Variants in CEP128 observed in about 807,000 individuals in gnomAD.
CEP128 encodes centrosomal protein 128kDa.
A neutral mutation model predicts 156.7 loss-of-function variants in CEP128; 132 were observed. The observed-to-expected ratio is 0.84, with a 90% CI of 0.73 to 0.97. The LOEUF (loss-of-function observed/expected upper bound fraction) is 0.97. CEP128 is among the 50% of genes least tolerant of loss of function. The pLI is 0.00. For synonymous variants in CEP128, 469 were observed against 448.9 expected, an observed-to-expected ratio of 1.04 and a Z score of -0.57; for missense variants, 1,252 against 1,281.9, an observed-to-expected ratio of 0.98 and a Z score of 0.36.
chr14:80,812,387 T>C (rs1484563725), intron 13 of CEP128, among the ~76,000 whole-genome samples: 1 of 152,224 alleles, frequency 6.6e-6, no homozygotes, highest in East Asian at 1.9e-4. Flanking sequence ...GTCTTTATGG[T>C]AGAAAGCCTC....
chr14:80,932,103 G>A (rs1184422455), intron 2 of CEP128, among the ~76,000 whole-genome samples: 1 of 152,124 alleles, frequency 6.6e-6, no homozygotes, highest in Non-Finnish European at 1.5e-5. Context: ...CCTTCACCTG[G>A]CACTTCTCTC....
At chr14:80,905,772 T>A in intron 5 of CEP128, 183 bp downstream of exon 5, 7 of 485,568 alleles carry the variant, frequency 1.4e-5, no homozygotes, top group Admixed American at 4.2e-5. Flanking sequence ...AAAAAAACAA[T>A]ATAACAACAA....
intron 19 of CEP128, among the ~76,000 whole-genome samples, chr14:80,581,430 C>CAT (rs1200643570): frequency 2.6e-5 from 4 of 152,112 alleles, no homozygotes; most frequent in Admixed American, 2.6e-4. Flanking sequence ...AGGAAACAGT[C>CAT]ATATAGTAGA....
chr14:80,917,626 C>T (rs954710724), intron 2 of CEP128, among the ~76,000 whole-genome samples: 3 of 152,168 alleles, frequency 2.0e-5, no homozygotes, highest in Non-Finnish European at 4.4e-5. Flanking sequence ...GCAACCTCCG[C>T]CTCCCAGGTT....
chr14:80,543,062 G>A (rs1889835286), intron 21 of CEP128, among the ~76,000 whole-genome samples: 1 of 152,086 alleles, frequency 6.6e-6, no homozygotes, highest in Non-Finnish European at 1.5e-5. Context: ...CCTCCTATAT[G>A]GATGAATTTC....
intron 13 of CEP128, among the ~76,000 whole-genome samples, chr14:80,818,934 A>C (rs1168971280): frequency 6.6e-6 from 1 of 152,170 alleles, no homozygotes; most frequent in Non-Finnish European, 1.5e-5. Flanking sequence ...ATCCTTTTGC[A>C]ATAGGAATGG....
At position 80,608,361 on chromosome 14, in the gene CEP128, C is replaced by T. The variant is rs185390258; in HGVS notation, c.2807-27938G>A. Among the ~76,000 whole-genome samples the T allele has an allele frequency of 1.4e-3, 216 of 152,316 alleles. 1 individual carries two copies. Among genetic ancestry groups the T allele is most frequent in the African/African-American group, 4.9e-3 (202 of 41,578 alleles). ...GGCACATAGGAAGTGCTCAGTAATACATGCTGAATAAATGACTCAAATTCT... is the reference window on the plus strand; with the variant it reads ...GGCACATAGGAAGTGCTCAGTAATATATGCTGAATAAATGACTCAAATTCT... On this transcript the variant is annotated intron_variant, in intron 19 of 24. Coordinates refer to ENST00000555265, the MANE Select transcript of CEP128 (RefSeq NM_152446.5).
chr14:80,588,374 G>C (rs1407748634), intron 19 of CEP128, among the ~76,000 whole-genome samples: 1 of 151,906 alleles, frequency 6.6e-6, no homozygotes, highest in Non-Finnish European at 1.5e-5. Flanking sequence ...TATATCCTGG[G>C]CTTAAATAGA....
intron 19 of CEP128, among the ~76,000 whole-genome samples, chr14:80,705,679 T>C (rs1897218234): frequency 6.6e-6 from 1 of 152,066 alleles, no homozygotes; most frequent in African/African-American, 2.4e-5. Context: ...GGCAATGAGA[T>C]TTTGCACTGT....
At chr14:80,613,291 C>CA (rs1893074431) in intron 19 of CEP128, among the ~76,000 whole-genome samples, 3 of 123,572 alleles carry the variant, frequency 2.4e-5, no homozygotes, top group African/African-American at 9.0e-5. Context: ...CAATGGAGAG[C>CA]ATTTTTTTTT....
intron 19 of CEP128, among the ~76,000 whole-genome samples, chr14:80,662,048 A>G (rs774686013): frequency 1.1e-4 from 16 of 152,184 alleles, no homozygotes; most frequent in Non-Finnish European, 1.9e-4. Context: ...GGAAGACTAC[A>G]TGATTTTCAG....
At chr14:80,615,481 G>A (rs192114273) in intron 19 of CEP128, among the ~76,000 whole-genome samples, 4 of 152,264 alleles carry the variant, frequency 2.6e-5, no homozygotes, top group Non-Finnish European at 4.4e-5. Flanking sequence ...GATGCAAATA[G>A]AACAGCTACA....
intron 9 of CEP128, among the ~76,000 whole-genome samples, chr14:80,854,530 C>T (rs1338935572): frequency 6.6e-6 from 1 of 151,858 alleles, no homozygotes; most frequent in African/African-American, 2.4e-5. Flanking sequence ...CCTTCCAGGC[C>T]GTCAACATGA....
chr14:80,875,033 C>A (rs1402517180), intron 8 of CEP128, among the ~76,000 whole-genome samples: 3 of 152,184 alleles, frequency 2.0e-5, no homozygotes, highest in Non-Finnish European at 4.4e-5. Flanking sequence ...ACGACTTTTT[C>A]CCCTGAAATA....
At chr14:80,924,704 G>A (rs766504437) in intron 2 of CEP128, among the ~76,000 whole-genome samples, 7 of 151,682 alleles carry the variant, frequency 4.6e-5, no homozygotes, top group African/African-American at 9.7e-5. Flanking sequence ...TTCTGCCCTC[G>A]TCTGATTTTC....
At chr14:80,570,286 T>A (rs1440555536) in intron 20 of CEP128, among the ~76,000 whole-genome samples, 1 of 151,982 alleles carries the variant, frequency 6.6e-6, no homozygotes, top group Non-Finnish European at 1.5e-5. Flanking sequence ...CCCGGCTAAT[T>A]TTTTGTGTTT....
At chr14:80,913,423 C>A (rs1315509071) in intron 4 of CEP128, among the ~76,000 whole-genome samples, 1 of 152,074 alleles carries the variant, frequency 6.6e-6, no homozygotes, top group Admixed American at 6.5e-5. Flanking sequence ...AATATGATTC[C>A]ATTTTTAAAG....
intron 24 of CEP128, among the ~76,000 whole-genome samples, chr14:80,503,179 T>C (rs1887815464): frequency 6.6e-6 from 1 of 152,208 alleles, no homozygotes; most frequent in Non-Finnish European, 1.5e-5. Flanking sequence ...TGAAGAGTTT[T>C]ACTTTTTAGG....
intron 19 of CEP128, among the ~76,000 whole-genome samples, chr14:80,660,391 A>C (rs1895348452): frequency 6.6e-6 from 1 of 152,168 alleles, no homozygotes; most frequent in Non-Finnish European, 1.5e-5. Flanking sequence ...CATAGGTGAT[A>C]TCAATCTTGA....
Sources: allele counts gnomAD v4.1 joint callset (sites outside exome capture counted in the v4.1 genomes callset), GRCh38; gene constraint gnomAD v4.1.1; transcripts MANE v1.5; gene names NCBI Gene and HGNC (gene_info 2026-07-23, HGNC 2026-07-21).